UBE3D: variants seen among roughly 807,000 people sequenced by gnomAD.
UBE3D encodes the protein ubiquitin protein ligase E3D, also known as E3 ubiquitin-protein ligase E3D.
UBE3D carries 48 observed loss-of-function variants against 49.6 expected under a neutral mutation model. The ratio of observed to expected loss-of-function variants is 0.97; its 90% CI spans 0.77 to 1.23. UBE3D has a LOEUF of 1.23. UBE3D is among the 50% of genes most tolerant of loss of function. UBE3D has a pLI of 0.00. For synonymous variants in UBE3D, 189 were observed against 174.2 expected (o/e 1.08, Z -0.67); for missense variants, 452 against 468.4 (o/e 0.96, Z 0.32).
intron 8 of UBE3D, among the ~76,000 whole-genome samples, chr6:82,980,582 G>A (rs1042919320): frequency 6.6e-6 from 1 of 151,878 alleles, no homozygotes; most frequent in Non-Finnish European, 1.5e-5. Flanking sequence ...GTTTAATTAA[G>A]TCCTATTTGC....
At chr6:83,025,512 G>A (rs1408040417) in intron 5 of UBE3D, among the ~76,000 whole-genome samples, 1 of 151,960 alleles carries the variant, frequency 6.6e-6, no homozygotes, top group Non-Finnish European at 1.5e-5. Flanking sequence ...TATATAGATG[G>A]ATATGCTTAT....
intron 9 of UBE3D, among the ~76,000 whole-genome samples, chr6:82,911,219 A>C (rs866641408): frequency 1.0e-4 from 15 of 149,770 alleles, no homozygotes; most frequent in African/African-American, 3.8e-4. Flanking sequence ...AAAAAAAAAA[A>C]AAAACTCAGG....
At chr6:82,933,786 T>TA (rs1390774345) in intron 9 of UBE3D, among the ~76,000 whole-genome samples, 1 of 152,112 alleles carries the variant, frequency 6.6e-6, no homozygotes, top group Admixed American at 6.5e-5. Context: ...CAATGACAGA[T>TA]AAAATATAAA....
At position 82,976,005 on chromosome 6, in the gene UBE3D, A is replaced by G. The variant is rs1340064640; in HGVS notation, c.1011-18555T>C. On this transcript the variant is annotated intron_variant, in intron 8 of 9. Coordinates refer to ENST00000369747, the MANE Select transcript of UBE3D (RefSeq NM_198920.3). ...TTAAGAGATTAAGAGATGTTAATAG[A>G]ACCAGGAAAAAATGTTTTTTAAGTG... 3.9e-5 allele frequency among the ~76,000 whole-genome samples: 6 copies of G among 152,320 alleles called. No homozygotes were observed. In the South Asian group the frequency reaches 8.3e-4, roughly 21 times the overall value.
chr6:82,909,794 C>A (rs186062524), intron 9 of UBE3D, among the ~76,000 whole-genome samples: 1 of 152,248 alleles, frequency 6.6e-6, no homozygotes, highest in East Asian at 1.9e-4. Context: ...TAGCTAAATT[C>A]TTTTGGAAAC....
At chr6:82,907,618 T>C (rs1297798767) in intron 9 of UBE3D, among the ~76,000 whole-genome samples, 1 of 152,108 alleles carries the variant, frequency 6.6e-6, no homozygotes, top group African/African-American at 2.4e-5. Flanking sequence ...CATTGGTTGT[T>C]AGGGAAATGC....
At chr6:83,037,675 T>G (rs1322201989) in intron 5 of UBE3D, 1 of 152,210 alleles carries the variant, frequency 6.6e-6, no homozygotes, top group Non-Finnish European at 1.5e-5. Context: ...TTAACTGTAT[T>G]AAAAGTAATT....
chr6:82,965,092 C>T lies in UBE3D; in HGVS notation c.1011-7642G>A, dbSNP rs377311643. ...TGCCTTTCAAACTTTGCCCATATGACTGTAAGTTTGTCAAGGTAAATCTCC... is the reference window on the plus strand; with the variant it reads ...TGCCTTTCAAACTTTGCCCATATGATTGTAAGTTTGTCAAGGTAAATCTCC... On this transcript the variant is annotated intron_variant, in intron 8 of 9. Transcript: ENST00000369747. Among the ~76,000 whole-genome samples the T allele has an allele frequency of 2.0e-3, 309 of 152,254 alleles. 2 individuals are homozygous for T. The highest frequency in any genetic ancestry group is 7.0e-3 in the African/African-American group (292 of 41,554).
At chr6:82,947,683 T>C (rs1223110715) in intron 9 of UBE3D, among the ~76,000 whole-genome samples, 4 of 151,924 alleles carry the variant, frequency 2.6e-5, no homozygotes, top group African/African-American at 9.7e-5. Context: ...CTGACCACAA[T>C]GGAATAAAAC....
At chr6:83,022,826 G>C (rs1781200696) in intron 6 of UBE3D, among the ~76,000 whole-genome samples, 1 of 149,526 alleles carries the variant, frequency 6.7e-6, no homozygotes, top group South Asian at 2.2e-4. Context: ...CACCCCTACT[G>C]AATAAAAAAA....
At chr6:82,881,919 C>A in the UBE3D span, among the ~76,000 whole-genome samples, 16 of 152,156 alleles carry the variant, frequency 1.1e-4, no homozygotes, top group Admixed American at 2.6e-4. Flanking sequence ...TAATACCTGG[C>A]ATATTGGAAA....
At chr6:82,887,327 A>C in the UBE3D span, among the ~76,000 whole-genome samples, 1 of 150,712 alleles carries the variant, frequency 6.6e-6, no homozygotes, top group African/African-American at 2.4e-5. Flanking sequence ...TCTCAAAAAA[A>C]AAAAAAAAAA....
chr6:82,924,114 G>T (rs1446523072), intron 9 of UBE3D, among the ~76,000 whole-genome samples: 1 of 150,976 alleles, frequency 6.6e-6, no homozygotes, highest in Non-Finnish European at 1.5e-5. Flanking sequence ...GGAGAAAAAA[G>T]AAAAGTACTT....
intron 8 of UBE3D, among the ~76,000 whole-genome samples, chr6:82,991,011 A>G (rs999166595): frequency 1.3e-5 from 2 of 152,066 alleles, no homozygotes; most frequent in Non-Finnish European, 2.9e-5. Flanking sequence ...CGGATGGGGG[A>G]TAGGGTTACT....
chr6:82,960,484 C>A (rs573542161), intron 8 of UBE3D, among the ~76,000 whole-genome samples: 1 of 152,030 alleles, frequency 6.6e-6, no homozygotes, highest in South Asian at 2.1e-4. Context: ...TTCTATTCAT[C>A]CTGTGAGACC....
intron 7 of UBE3D, among the ~76,000 whole-genome samples, chr6:83,019,998 G>A (rs1179195373): frequency 4.6e-5 from 7 of 152,242 alleles, no homozygotes; most frequent in African/African-American, 1.7e-4. Flanking sequence ...ATCAGCCAAC[G>A]CTGTCAGCAG....
intron 5 of UBE3D, among the ~76,000 whole-genome samples, chr6:83,034,991 G>A (rs1181382500): frequency 6.6e-6 from 1 of 151,964 alleles, no homozygotes; most frequent in Non-Finnish European, 1.5e-5. Flanking sequence ...AGATCAGCCT[G>A]GGCAACATAT....
chr6:82,926,966 G>A (rs1229921162), intron 9 of UBE3D, among the ~76,000 whole-genome samples: 3 of 151,954 alleles, frequency 2.0e-5, no homozygotes, highest in East Asian at 1.9e-4. Flanking sequence ...CATTATCTTC[G>A]AAGGGTTTGT....
chr6:82,891,854 T>G (rs1366258623), downstream of UBE3D, among the ~76,000 whole-genome samples: 1 of 152,076 alleles, frequency 6.6e-6, no homozygotes, highest in Non-Finnish European at 1.5e-5. Flanking sequence ...GGCAAAACCC[T>G]GTCTCTACTA....
Sources: allele counts gnomAD v4.1 joint callset (sites outside exome capture counted in the v4.1 genomes callset), GRCh38; gene constraint gnomAD v4.1.1; transcripts MANE v1.5; gene names NCBI Gene and HGNC (gene_info 2026-07-23, HGNC 2026-07-21).